The following RAD51B variants were observed in gnomAD, a reference collection of about 807,000 sequenced individuals.
RAD51B encodes RAD51 paralog B.
In RAD51B, 38 loss-of-function variants were observed where a neutral mutation model predicts 42.2. The observed-to-expected ratio is 0.90, with a 90% CI of 0.70 to 1.18. The LOEUF is 1.18. RAD51B is among the 50% of genes most tolerant of loss of function. The pLI, the probability that RAD51B is intolerant of heterozygous loss-of-function variation, is 0.00. For synonymous variants in RAD51B, 154 were observed against 145.2 expected, an observed-to-expected ratio of 1.06 and a Z score of -0.43; for missense variants, 373 against 400.7, an observed-to-expected ratio of 0.93 and a Z score of 0.59.
intron 7 of RAD51B, among the ~76,000 whole-genome samples, chr14:68,197,029 C>G (rs1174932598): frequency 1.3e-5 from 2 of 152,080 alleles, no homozygotes; most frequent in Non-Finnish European, 2.9e-5. Flanking sequence ...GGAAGTTTTC[C>G]TTATTTACTC....
intron 7 of RAD51B, among the ~76,000 whole-genome samples, chr14:68,156,041 GA>G (rs1381114702): frequency 1.3e-5 from 2 of 152,220 alleles, no homozygotes; most frequent in Non-Finnish European, 2.9e-5. Flanking sequence ...GCACTTTGAA[GA>G]GGGGCTCAGA....
At chr14:68,527,145 C>A (rs1009979201) in intron 10 of RAD51B, among the ~76,000 whole-genome samples, 1 of 152,260 alleles carries the variant, frequency 6.6e-6, no homozygotes, top group South Asian at 2.1e-4. Flanking sequence ...AAACAAAAAA[C>A]GAAACAAAAT....
intron 7 of RAD51B, among the ~76,000 whole-genome samples, chr14:67,902,741 G>C (rs1480607976): frequency 6.6e-6 from 1 of 152,108 alleles, no homozygotes; most frequent in African/African-American, 2.4e-5. Flanking sequence ...TGTTTACAGA[G>C]GACCCTGCAA....
intron 10 of RAD51B, among the ~76,000 whole-genome samples, chr14:68,583,025 A>G (rs1475682157): frequency 6.6e-6 from 1 of 152,228 alleles, no homozygotes; most frequent in Non-Finnish European, 1.5e-5. Context: ...GGGGAGGGAT[A>G]GCATTAGGAG....
chr14:68,417,770 C>T (rs2084597841), intron 9 of RAD51B, among the ~76,000 whole-genome samples: 1 of 152,184 alleles, frequency 6.6e-6, no homozygotes, highest in South Asian at 2.1e-4. Context: ...TTCCTACCAC[C>T]CACAAACAAA....
Position 68,013,319 on chromosome 14 carries a change from A to G in RAD51B, c.756+126115A>G, listed in dbSNP as rs1332208823. Among the ~76,000 whole-genome samples, 5 of 152,310 alleles carry G rather than the reference A, an allele frequency of 3.3e-5. No individual in the cohort carries two copies. The East Asian group carries it at 9.6e-4, about 29-fold the overall frequency. On this transcript the variant is annotated intron_variant, in intron 7 of 10. Coordinates refer to ENST00000471583, the MANE Select transcript of RAD51B (RefSeq NM_133510.4). Reference sequence around the variant, plus strand: ...ATCCTTCTTATGACAGAGCCTTGGAAGTCACAGAACATTATTTCTATTTTG... The same window carrying G: ...ATCCTTCTTATGACAGAGCCTTGGAGGTCACAGAACATTATTTCTATTTTG...
At chr14:68,239,941 C>T (rs1166045219) in intron 7 of RAD51B, among the ~76,000 whole-genome samples, 1 of 152,148 alleles carries the variant, frequency 6.6e-6, no homozygotes, top group Non-Finnish European at 1.5e-5. Flanking sequence ...TTGTTTTGGG[C>T]CACAACTGTT....
chr14:67,840,298 A>G (rs2041383864), intron 4 of RAD51B, among the ~76,000 whole-genome samples: 1 of 152,074 alleles, frequency 6.6e-6, no homozygotes, highest in Non-Finnish European at 1.5e-5. Flanking sequence ...TCCTCCTTCT[A>G]ATAATCTCCA....
chr14:68,344,289 C>T (rs1008595497), intron 8 of RAD51B, among the ~76,000 whole-genome samples: 4 of 152,202 alleles, frequency 2.6e-5, no homozygotes, highest in Non-Finnish European at 4.4e-5. Flanking sequence ...ACAGCGCTGC[C>T]CATGCACCAG....
chr14:68,550,278 C>T (rs1888466143), intron 10 of RAD51B, among the ~76,000 whole-genome samples: 2 of 152,196 alleles, frequency 1.3e-5, no homozygotes, highest in Non-Finnish European at 2.9e-5. Flanking sequence ...GGTTAATAGT[C>T]CTTAGGTGTA....
chr14:68,401,252 C>A (rs964811873), intron 8 of RAD51B, among the ~76,000 whole-genome samples: 1 of 152,142 alleles, frequency 6.6e-6, no homozygotes, highest in African/African-American at 2.4e-5. Context: ...TCTCTGTTAT[C>A]CCAGTATAAC....
chr14:68,261,360 G>A (rs1426986004), intron 7 of RAD51B, among the ~76,000 whole-genome samples: 2 of 152,240 alleles, frequency 1.3e-5, no homozygotes, highest in Non-Finnish European at 2.9e-5. Flanking sequence ...TCCCGGAGCT[G>A]TCTGTCTTTT....
chr14:68,283,070 A>T (rs2081350285), intron 7 of RAD51B, among the ~76,000 whole-genome samples: 1 of 152,186 alleles, frequency 6.6e-6, no homozygotes, highest in Non-Finnish European at 1.5e-5. Flanking sequence ...GCCTCAAATG[A>T]GTCTAAGAAG....
intron 7 of RAD51B, among the ~76,000 whole-genome samples, chr14:68,198,414 T>G (rs1484459705): frequency 6.6e-6 from 1 of 152,180 alleles, no homozygotes; most frequent in East Asian, 1.9e-4. Flanking sequence ...AATCAATTTT[T>G]TTGGTATAAA....
At chr14:68,319,731 T>A (rs2082124148) in intron 8 of RAD51B, among the ~76,000 whole-genome samples, 1 of 152,192 alleles carries the variant, frequency 6.6e-6, no homozygotes, top group Non-Finnish European at 1.5e-5. Context: ...GTGCTTAGCT[T>A]CTTTAGGGTA....
In RAD51B at chr14:68,391,328, G is replaced by GC. The variant is rs374950428; in HGVS notation, c.854-20095dup. On this transcript the variant is annotated intron_variant, in intron 8 of 10. Coordinates refer to ENST00000471583, the MANE Select transcript of RAD51B (RefSeq NM_133510.4). The stretch of plus-strand genomic sequence containing the variant: ...AGTCTTTAGTATGCGGAGATGCTGA[G>GC]CTTGCCCTTCCAAGATGTTGGAAGG... Among the ~76,000 whole-genome samples the GC allele has an allele frequency of 9.2e-4, 140 of 152,116 alleles. 1 individual carries two copies. The highest frequency in any genetic ancestry group is 3.3e-3 in the African/African-American group (135 of 41,502).
intron 5 of RAD51B, among the ~76,000 whole-genome samples, chr14:67,881,039 A>G (rs8017930): frequency 0.051 from 7,827 of 152,286 alleles, 466 homozygotes; most frequent in African/African-American, 0.15. Context: ...GGTATAGCCT[A>G]TTGCTTCTAG....
At chr14:68,312,425 A>G (rs1000239339) in intron 8 of RAD51B, among the ~76,000 whole-genome samples, 12 of 152,264 alleles carry the variant, frequency 7.9e-5, no homozygotes, top group African/African-American at 2.7e-4. Flanking sequence ...TATTAAGACA[A>G]GGATGGGATG....
intron 7 of RAD51B, among the ~76,000 whole-genome samples, chr14:68,194,890 C>G (rs192025831): frequency 6.6e-6 from 1 of 152,266 alleles, no homozygotes; most frequent in East Asian, 1.9e-4. Flanking sequence ...AAAAGTCTAT[C>G]CTAAGTTGAT....
Sources: allele counts gnomAD v4.1 joint callset (sites outside exome capture counted in the v4.1 genomes callset), GRCh38; gene constraint gnomAD v4.1.1; transcripts MANE v1.5; gene names NCBI Gene and HGNC (gene_info 2026-07-23, HGNC 2026-07-21).